Variants in LDHD observed in about 807,000 individuals in gnomAD.
The protein encoded by LDHD is lactate dehydrogenase D.
In LDHD, 58 loss-of-function variants were observed where a neutral mutation model predicts 52.9. That is an observed-to-expected ratio of 1.10 (90% confidence interval 0.89 to 1.36). LDHD has a LOEUF of 1.36. LDHD is among the 40% of genes most tolerant of loss of function. LDHD has a pLI of 0.00. For missense variants in LDHD, 747 were observed against 668.0 expected, an observed-to-expected ratio of 1.12 and a Z score of -1.30; for synonymous variants, 350 against 288.6, an observed-to-expected ratio of 1.21 and a Z score of -2.16.
intron 3 of LDHD, 103 bp downstream of exon 3, chr16:75,115,095 C>T (rs1443672158): frequency 5.2e-6 from 8 of 1,544,040 alleles, no homozygotes; most frequent in Non-Finnish European, 6.1e-6. Context: ...AGCCCACGGG[C>T]GGGAGCAGAC....
At chr16:75,113,491 TG>T (rs2145440762) in intron 8 of LDHD, 43 bp downstream of exon 8, 1 of 1,563,296 alleles carries the variant, frequency 6.4e-7, no homozygotes, top group South Asian at 1.2e-5. Context: ...AAAGGGTTTG[TG>T]GGCCGAGCTG....
Position 75,114,573 on chromosome 16 carries a change from C to G in LDHD, c.582G>C (p.Leu194=). The G allele has an allele frequency of 3.3e-6, 5 of 1,532,096 alleles. No homozygotes were observed. The highest frequency in any genetic ancestry group is 4.4e-6 in the Non-Finnish European group (5 of 1,144,200). 94.9% of individuals were successfully genotyped at this position (1,532,096 alleles called of 1,614,324 possible). A position where few individuals can be genotyped will look rare whatever the true frequency, so the allele number is the denominator to read the frequency against. ...RDNVLNLEVV[L]PDGRLLHTAG... ...CCGTGTGCAGCAGCCGCCCGTCGGG[C>G]AGCACCACCTCCAGGTTGAGCACGT... Residue 194 remains leucine, a synonymous_variant, in exon 5 of 11, where the codon CTG becomes CTC. Transcript: ENST00000450168.
At chr16:75,114,500 C>G (rs771423647) in intron 5 of LDHD, 26 bp downstream of exon 5, 3 of 1,486,496 alleles carry the variant, frequency 2.0e-6, no homozygotes, top group Non-Finnish European at 2.7e-6. Context: ...GGGCCAGAGC[C>G]CGGGCCCCCC....
rs540218650 is a variant in LDHD, at chr16:75,115,189, C to G, written c.327+9G>C. On this transcript the variant is annotated intron_variant, in intron 3 of 10. Transcript: ENST00000450168. Reference sequence around the variant, plus strand: ...CATCCTCGGGCCGGGCGAGGGAGCCCCACTGTACCTGCACAGCACAGACGC... The same window carrying G: ...CATCCTCGGGCCGGGCGAGGGAGCCGCACTGTACCTGCACAGCACAGACGC... 2 of 1,610,584 alleles carry G rather than the reference C, an allele frequency of 1.2e-6. No homozygotes were observed. The highest frequency in any genetic ancestry group is 2.7e-5 in the African/African-American group (2 of 75,002).
In LDHD at chr16:75,112,628, G is replaced by A. The variant is rs758431994; in HGVS notation, c.1263C>T (p.Val421=). The stretch of plus-strand genomic sequence containing the variant: ...TGCCCAGCTGTTCTGCAAAAGCCTT[G>A]ACCCTGCCCAGTTCCTCGGCGTCAT... ...NPDDAEELGR[V]KAFAEQLGRR... The change falls in exon 10 of 11, where the codon GTC becomes GTT. Residue 421 remains valine, a synonymous_variant. Transcript: ENST00000450168. 4 of 1,614,022 alleles carry A rather than the reference G, an allele frequency of 2.5e-6. 1 individual carries two copies. The highest frequency in any genetic ancestry group is 3.3e-5 in the Admixed American group (2 of 60,008).
Position 75,114,141 on chromosome 16 carries a change from G to A in LDHD, c.654C>T (p.Leu218=). The A allele has an allele frequency of 6.2e-7, 1 of 1,612,850 alleles. No homozygotes were observed. Among genetic ancestry groups the A allele is most frequent in the Non-Finnish European group, 8.5e-7 (1 of 1,180,016 alleles). The change falls in exon 6 of 11, where the codon CTC becomes CTT. Residue 218 remains leucine (L), a synonymous_variant. Coordinates refer to ENST00000450168, the MANE Select transcript of LDHD (RefSeq NM_194436.3). ...HFRKSAAGYN[L]TGLFVGSEGT... ...CCTCGGAGCCCACGAAGAGCCCCGT[G>A]AGGTTGTAGCCGGCTGCACTCTTCC...
Position 75,115,598 on chromosome 16 carries a change from G to C in LDHD, c.135C>G (p.Ser45=), listed in dbSNP as rs1409511078. The C allele has an allele frequency of 1.9e-6, 3 of 1,612,706 alleles. No homozygotes were observed. Among genetic ancestry groups the C allele is most frequent in the Non-Finnish European group, 2.5e-6 (3 of 1,179,932 alleles). The change falls in exon 2 of 11, where the codon TCC becomes TCG. Residue 45 remains serine (S), a synonymous_variant. Transcript: ENST00000450168. ...GCTGCTCTCGGACCACCGCGGCAGT[G>C]GACACGTGGGAGCCGCCCACCACGG... ...LKAVVGGSHV[S]TAAVVREQHG... is the part of the protein sequence containing the mutation.
At position 75,116,640 on chromosome 16, in the gene LDHD, T is replaced by TC. The variant is rs2036562617; in HGVS notation, c.72+8dup. 6 of 1,605,138 alleles carry TC rather than the reference T, an allele frequency of 3.7e-6. No homozygotes were observed. Among genetic ancestry groups the TC allele is most frequent in the Non-Finnish European group, 5.1e-6 (6 of 1,175,900 alleles). On this transcript the variant is annotated intron_variant, in intron 1 of 10. Transcript: ENST00000450168. ...ATCCCTCCAGAGGACTTCTCTTCTC[T>TC]CCCGGTACCTTTGCCTTCTGGGAGC...
At position 75,112,199 on chromosome 16, in the gene LDHD, C is replaced by T. The variant is rs902940657; in HGVS notation, c.*157G>A. On this transcript the variant is annotated 3_prime_UTR_variant, in exon 11 of 11. Transcript: ENST00000450168. ...GGGAGGTAACACGGTGCTCAGGCTT[C>T]TCTCTGGGCCCTCTGGCCTTGGGCC... 4 of 877,124 alleles carry T rather than the reference C, an allele frequency of 4.6e-6. No homozygotes were observed. The highest frequency in any genetic ancestry group is 6.8e-6 in the Non-Finnish European group (4 of 584,582). 54.3% of individuals were successfully genotyped at this position (877,124 alleles called of 1,614,324 possible).
Position 75,112,451 on chromosome 16 carries a change from G to C in LDHD, c.1360C>G (p.Gln454Glu), listed in dbSNP as rs979064159. The stretch of plus-strand genomic sequence containing the variant: ...ACGCCCACGGCGCCCACCTCCTCCT[G>C]CAGCAGCTGCCGCTTGCCCATTCCG... ...GIGMGKRQLL[Q>E]EEVGAVGVET... Residue 454 changes from glutamine (Q) to glutamate (E), a missense_variant, in exon 11 of 11, where the codon CAG (glutamine) becomes GAG (glutamate). Physicochemically the swap from Gln to Glu is conservative, Grantham distance 29 (BLOSUM62 2). Coordinates refer to ENST00000450168, the MANE Select transcript of LDHD (RefSeq NM_194436.3). The C allele has an allele frequency of 1.1e-5, 17 of 1,613,234 alleles. No individual in the cohort carries two copies. Among genetic ancestry groups the C allele is most frequent in the Non-Finnish European group, 1.4e-5 (17 of 1,180,006 alleles).
At chr16:75,115,833 A>G (rs995968249) in intron 1 of LDHD, among the ~76,000 whole-genome samples, 173 bp from the exon 2 acceptor site, 3 of 152,186 alleles carry the variant, frequency 2.0e-5, no homozygotes, top group Non-Finnish European at 4.4e-5. Flanking sequence ...CCCACTATCC[A>G]GAAATGCCTC....
Position 75,112,605 on chromosome 16 carries a change from C to A in LDHD, c.1286G>T (p.Gly429Val). Residue 429 changes from glycine (G) to valine (V), a missense_variant, in exon 10 of 11, where the codon GGC becomes GTC. Coordinates refer to ENST00000450168, the MANE Select transcript of LDHD (RefSeq NM_194436.3). Reference sequence around the variant, plus strand: ...CCCTCCCTGGCTTTGCTCCTACCTGCCCAGCTGTTCTGCAAAAGCCTTGAC... The same window carrying A: ...CCCTCCCTGGCTTTGCTCCTACCTGACCAGCTGTTCTGCAAAAGCCTTGAC... ...GRVKAFAEQL[G>V]RRALALHGTC... is the part of the protein sequence containing the mutation. The A allele has an allele frequency of 6.2e-7, 1 of 1,614,078 alleles. No homozygotes were observed. Among genetic ancestry groups the A allele is most frequent in the Non-Finnish European group, 8.5e-7 (1 of 1,180,002 alleles).
intron 8 of LDHD, among the ~76,000 whole-genome samples, 175 bp downstream of exon 8, chr16:75,113,360 G>T (rs528999717): frequency 6.6e-6 from 1 of 152,342 alleles, no homozygotes; most frequent in Admixed American, 6.5e-5. Context: ...CCCTGTAGAC[G>T]GTATCTGAAC....
Position 75,113,741 on chromosome 16 carries a change from C to T in LDHD, c.958+1G>A, listed in dbSNP as rs1357002023. 1.2e-6 allele frequency: 2 copies of T among 1,613,502 alleles called. No homozygotes were observed. The highest frequency in any genetic ancestry group is 1.7e-6 in the Non-Finnish European group (2 of 1,179,950). The stretch of plus-strand genomic sequence containing the variant: ...TGCTGCCCCACTCCACCCCAGCATA[C>T]CTGTGCGCTGCAGCTGCTCCTCCAG... On this transcript the variant is annotated splice_donor_variant, in intron 7 of 10. Transcript: ENST00000450168. LOFTEE classifies it high-confidence loss of function.
In LDHD at chr16:75,112,057, C is replaced by G; in HGVS notation, c.*299G>C. The G allele has an allele frequency of 2.7e-6, 1 of 366,912 alleles. No individual in the cohort carries two copies. The highest frequency in any genetic ancestry group is 5.9e-5 in the South Asian group (1 of 16,826). 22.7% of individuals were successfully genotyped at this position (366,912 alleles called of 1,614,324 possible). On this transcript the variant is annotated 3_prime_UTR_variant, in exon 11 of 11. Coordinates refer to ENST00000450168, the MANE Select transcript of LDHD (RefSeq NM_194436.3). ...GTGTCATCAGAGTCTTGAATGGACC[C>G]AGACGCTCTCTTCCCGCCAGGACAG...
At position 75,112,020 on chromosome 16, in the gene LDHD, C is replaced by T. The variant is rs920740476; in HGVS notation, c.*336G>A. 2 of 257,984 alleles carry T rather than the reference C, an allele frequency of 7.8e-6. No individual in the cohort carries two copies. The highest frequency in any genetic ancestry group is 1.5e-5 in the Non-Finnish European group (2 of 135,788). The allele number at this position is 257,984 out of a possible 1,614,324, so 16.0% of individuals were successfully genotyped here. A position where few individuals can be genotyped will look rare whatever the true frequency, so the allele number is the denominator to read the frequency against. On this transcript the variant is annotated 3_prime_UTR_variant, in exon 11 of 11. Coordinates refer to ENST00000450168, the MANE Select transcript of LDHD (RefSeq NM_194436.3). ...GTCCTGGGACCCCGGCAGTGGGAGG[C>T]CTCGGGGAGGGGTGTCATCAGAGTC...
At chr16:75,112,963 T>C in intron 8 of LDHD, 39 bp from the exon 9 acceptor site, 1 of 1,498,328 alleles carries the variant, frequency 6.7e-7, no homozygotes, top group South Asian at 1.1e-5. Flanking sequence ...CCTGCCTGAT[T>C]GGGTGTACGG....
intron 1 of LDHD, among the ~76,000 whole-genome samples, chr16:75,116,299 C>G (rs973666788): frequency 3.3e-5 from 5 of 151,002 alleles, no homozygotes; most frequent in African/African-American, 1.2e-4. Flanking sequence ...CGCGGCGGGG[C>G]GGGGGATGTG....
intron 8 of LDHD, 39 bp downstream of exon 8, chr16:75,113,496 C>G (rs188788587): frequency 1.2e-5 from 19 of 1,569,480 alleles, no homozygotes; most frequent in South Asian, 2.3e-5. Context: ...GTTTGTGGGC[C>G]GAGCTGTGGG....
Sources: allele counts gnomAD v4.1 joint callset (sites outside exome capture counted in the v4.1 genomes callset), GRCh38; gene constraint gnomAD v4.1.1; transcripts MANE v1.5; gene names NCBI Gene and HGNC (gene_info 2026-07-23, HGNC 2026-07-21).